TOX2: variants seen among roughly 807,000 people sequenced by gnomAD.
TOX2 encodes the protein TOX high mobility group box family member 2, also known as granulosa cell HMG box 1.
TOX2 carries 15 observed loss-of-function variants against 47.4 expected under a neutral mutation model. The observed-to-expected ratio is 0.32, with a 90% CI of 0.21 to 0.49. The LOEUF is 0.49. Among genes scored for constraint, TOX2 ranks in the 20% least tolerant of loss-of-function variants. The pLI, the probability that TOX2 is intolerant of heterozygous loss-of-function variation, is 0.99. For synonymous variants in TOX2, 290 were observed against 296.6 expected (o/e 0.98, Z 0.23); for missense variants, 622 against 673.1 (o/e 0.92, Z 0.84).
At chr20:44,056,370 G>A (rs1381848205) in intron 5 of TOX2, among the ~76,000 whole-genome samples, 2 of 152,220 alleles carry the variant, frequency 1.3e-5, no homozygotes, top group Non-Finnish European at 2.9e-5. Flanking sequence ...ATTTTCACTT[G>A]TGTGTTTCGT....
intron 3 of TOX2, among the ~76,000 whole-genome samples, chr20:44,037,054 A>C (rs552153483): frequency 6.6e-6 from 1 of 152,296 alleles, no homozygotes; most frequent in Non-Finnish European, 1.5e-5. Flanking sequence ...TCCCGGGTTC[A>C]AGCGATTCTC....
At chr20:43,920,160 C>A (rs752119955) in intron 1 of TOX2, among the ~76,000 whole-genome samples, 1 of 152,200 alleles carries the variant, frequency 6.6e-6, no homozygotes, top group Non-Finnish European at 1.5e-5. Context: ...AGGAATTCTG[C>A]CCAGCACCTG....
chr20:44,002,539 A>G (rs1464945443), intron 2 of TOX2, among the ~76,000 whole-genome samples: 2 of 152,212 alleles, frequency 1.3e-5, no homozygotes, highest in African/African-American at 4.8e-5. Context: ...CTCACACATG[A>G]GGAAACTGAG....
intron 2 of TOX2, among the ~76,000 whole-genome samples, chr20:43,998,376 T>C (rs947609750): frequency 8.5e-5 from 13 of 152,222 alleles, no homozygotes; most frequent in African/African-American, 2.4e-4. Flanking sequence ...TTTGAAGAGT[T>C]TGAGATTCTC....
intron 2 of TOX2, among the ~76,000 whole-genome samples, chr20:43,976,560 G>A (rs2070079560): frequency 6.6e-6 from 1 of 152,212 alleles, no homozygotes; most frequent in South Asian, 2.1e-4. Flanking sequence ...GGGAAAGGCT[G>A]CAAAATATTG....
chr20:43,940,798 A>G (rs1281182471), intron 1 of TOX2, among the ~76,000 whole-genome samples: 1 of 152,200 alleles, frequency 6.6e-6, no homozygotes, highest in Non-Finnish European at 1.5e-5. Context: ...GAGGATGTAG[A>G]CCAGGGCACC....
chr20:43,950,145 C>A lies in TOX2; in HGVS notation c.100-23222C>A, dbSNP rs538735367. ...AAGACACTTGGAATGTTTAACCCCT[C>A]ACATCTGCTCTGAGCAGAGCAAACT... On this transcript the variant is annotated intron_variant, in intron 1 of 8. Transcript: ENST00000341197. Among the ~76,000 whole-genome samples the A allele has an allele frequency of 2.3e-4, 35 of 152,292 alleles. 1 individual carries two copies. In the South Asian group the frequency reaches 7.2e-3, roughly 32 times the overall value.
chr20:44,003,645 G>A (rs2070626252), intron 2 of TOX2, among the ~76,000 whole-genome samples: 2 of 152,150 alleles, frequency 1.3e-5, no homozygotes, highest in South Asian at 2.1e-4. Flanking sequence ...GGGCAATCTT[G>A]GGGTGTGAAA....
chr20:44,051,733 A>T (rs2071516126), intron 4 of TOX2, among the ~76,000 whole-genome samples, 188 bp downstream of exon 4: 1 of 152,194 alleles, frequency 6.6e-6, no homozygotes, highest in Middle Eastern at 3.2e-3. Flanking sequence ...CACAGAGCTC[A>T]GTGGTTTTCT....
chr20:44,041,213 A>C (rs2071326474), intron 3 of TOX2, among the ~76,000 whole-genome samples: 1 of 152,200 alleles, frequency 6.6e-6, no homozygotes, highest in Non-Finnish European at 1.5e-5. Context: ...GGTCTGCTGC[A>C]AGGTGGGCTG....
At chr20:44,039,095 G>C (rs1363206020) in intron 3 of TOX2, 1 of 1,274,874 alleles carries the variant, frequency 7.8e-7, no homozygotes. Flanking sequence ...CCTGGTGCTG[G>C]GAGGCAGGTG....
At chr20:43,930,339 G>A (rs1251300934) in intron 1 of TOX2, among the ~76,000 whole-genome samples, 1 of 152,228 alleles carries the variant, frequency 6.6e-6, no homozygotes, top group Non-Finnish European at 1.5e-5. Context: ...GAGGGACACA[G>A]TGTTTGGGGC....
At chr20:43,969,767 C>G (rs993860865) in intron 1 of TOX2, among the ~76,000 whole-genome samples, 3 of 152,192 alleles carry the variant, frequency 2.0e-5, no homozygotes, top group African/African-American at 7.2e-5. Flanking sequence ...AGACTCAGGC[C>G]CTGCCTCGGG....
chr20:44,062,832 G>A (rs1406256341), intron 5 of TOX2, among the ~76,000 whole-genome samples: 1 of 152,118 alleles, frequency 6.6e-6, no homozygotes, highest in Non-Finnish European at 1.5e-5. Context: ...CAGATATAAA[G>A]CCAAATCCTT....
chr20:44,062,290 A>G (rs2071731030), intron 5 of TOX2, among the ~76,000 whole-genome samples: 2 of 152,134 alleles, frequency 1.3e-5, no homozygotes, highest in Admixed American at 6.5e-5. Flanking sequence ...ATTAATGTAC[A>G]CAAATCAATA....
rs2069051748 is a variant in TOX2 at position 43,916,084 on chromosome 20, G to C, written c.99+1094G>C. On this transcript the variant is annotated intron_variant, in intron 1 of 8. Coordinates refer to ENST00000341197, the MANE Select transcript of TOX2 (RefSeq NM_001098797.2). The surrounding 1 kb of genome is among the most constrained non-coding windows in gnomAD (Gnocchi z 5.0). Reference sequence around the variant, plus strand: ...CAGACTGTCCGCGCGTCCGCCAGTCGGTGCGTCGGTCCCGGGCCGGCTGGA... The same window carrying C: ...CAGACTGTCCGCGCGTCCGCCAGTCCGTGCGTCGGTCCCGGGCCGGCTGGA... 2.0e-6 allele frequency: 2 copies of C among 977,298 alleles called. No individual in the cohort carries two copies. Among genetic ancestry groups the C allele is most frequent in the African/African-American group, 3.5e-5 (2 of 57,234 alleles). The allele number at this position is 977,298 out of a possible 1,614,324, so 60.5% of individuals were successfully genotyped here. A position where few individuals can be genotyped will look rare whatever the true frequency, so the allele number is the denominator to read the frequency against.
At chr20:43,926,653 TAG>T (rs1473603292) in intron 1 of TOX2, among the ~76,000 whole-genome samples, 1 of 152,250 alleles carries the variant, frequency 6.6e-6, no homozygotes, top group Non-Finnish European at 1.5e-5. Context: ...AGGATCGGTG[TAG>T]CGCTTGTTCC....
chr20:43,993,854 A>G (rs1484567132), intron 2 of TOX2, among the ~76,000 whole-genome samples: 2 of 152,234 alleles, frequency 1.3e-5, no homozygotes, highest in Non-Finnish European at 2.9e-5. Context: ...ATATGTAGCT[A>G]TAAAAATGTA....
At chr20:43,951,713 T>TTA (rs1434782471) in intron 1 of TOX2, among the ~76,000 whole-genome samples, 2 of 120,496 alleles carry the variant, frequency 1.7e-5, no homozygotes, top group East Asian at 4.9e-4. Context: ...TTATGTTTTT[T>TTA]TTTTTTTTTT....
Sources: gnomAD v4.1 joint callset for allele counts (sites outside exome capture counted in the v4.1 genomes callset) on GRCh38, gnomAD v4.1.1 for gene constraint, Gnocchi (gnomAD v3.1) non-coding constraint, MANE v1.5 for transcripts, NCBI Gene and HGNC (gene_info 2026-07-23, HGNC 2026-07-21) for gene names.